Variants in CP observed in about 807,000 individuals in gnomAD.
CP encodes the protein caeruloplasmin.
A neutral mutation model predicts 122.4 loss-of-function variants in CP; 64 were observed. That is an observed-to-expected ratio of 0.52 (90% CI 0.43 to 0.64). The LOEUF is 0.64. Among genes scored for constraint, CP ranks in the 30% least tolerant of loss-of-function variants. The pLI, the probability that CP is intolerant of heterozygous loss-of-function variation, is 0.00. For synonymous variants in CP, 440 were observed against 436.4 expected (o/e 1.01, Z -0.10); for missense variants, 1,167 against 1,284.4 (o/e 0.91, Z 1.40).
intron 7 of CP, 43 bp downstream of exon 7, chr3:149,202,059 A>T (rs1344855656): frequency 6.2e-7 from 1 of 1,613,494 alleles, no homozygotes; most frequent in South Asian, 1.1e-5. Context: ...GATGTAGCCC[A>T]TGGGAAGAGT....
intron 6 of CP, among the ~76,000 whole-genome samples, chr3:149,205,736 A>G (rs1432285122): frequency 6.6e-6 from 1 of 152,130 alleles, no homozygotes; most frequent in African/African-American, 2.4e-5. Flanking sequence ...CAGGGGGTGG[A>G]GAAAGAGTGG....
intron 14 of CP, among the ~76,000 whole-genome samples, chr3:149,180,375 T>TA (rs1725699238): frequency 6.6e-6 from 1 of 152,194 alleles, no homozygotes; most frequent in South Asian, 2.1e-4. Context: ...CCAAGGCTCT[T>TA]ACCCTTTTCC....
intron 13 of CP, among the ~76,000 whole-genome samples, chr3:149,182,658 G>A (rs1386094183): frequency 6.6e-6 from 1 of 152,150 alleles, no homozygotes; most frequent in Non-Finnish European, 1.5e-5. Flanking sequence ...TAGACATTCT[G>A]TCTTAAAGTG....
intron 14 of CP, 31 bp downstream of exon 14, chr3:149,181,974 G>GGGGGGGGGGGGGGGGGGGGC: frequency 8.1e-6 from 11 of 1,356,686 alleles, no homozygotes; most frequent in East Asian, 2.4e-5. Context: ...CTGTTAAAAT[G>GGGGGGGGGGGGGGGGGGGGC]CACCACCCCC....
At position 149,182,069 on chromosome 3, in the gene CP, C is replaced by T. The variant is rs768462317; in HGVS notation, c.2490G>A (p.Arg830=). The change falls in exon 14 of 19, where the codon AGG becomes AGA. Residue 830 remains arginine (R), a synonymous_variant. Coordinates refer to ENST00000264613, the MANE Select transcript of CP (RefSeq NM_000096.4). ...VKIIFKNMAT[R]PYSIHAHGVQ... is the part of the protein sequence containing the mutation. ...CCCCATGGGCATGTATTGAGTAGGG[C>T]CTTGTGGCCATGTTTTTAAAGATAA... 1.3e-6 allele frequency: 2 copies of T among 1,592,394 alleles called. No homozygotes were observed. The highest frequency in any genetic ancestry group is 1.7e-6 in the Non-Finnish European group (2 of 1,170,378).
chr3:149,171,698 CTT>C (rs1170000443), downstream of CP, among the ~76,000 whole-genome samples: 29 of 118,224 alleles, frequency 2.5e-4, no homozygotes, highest in South Asian at 1.7e-3. Flanking sequence ...GAACTGGCTT[CTT>C]TTTTTTTTTT....
chr3:149,172,291 AAGT>A, downstream of CP: 1 of 1,260,446 alleles, frequency 7.9e-7, no homozygotes, highest in Non-Finnish European at 1.1e-6. Flanking sequence ...GCCAAAGTAC[AAGT>A]AGAGGAGTTT....
chr3:149,213,631 G>GGTGT lies in CP; in HGVS notation c.147-937_147-934dup, dbSNP rs71135672. Among the ~76,000 whole-genome samples the GGTGT allele has an allele frequency of 9.8e-4, 141 of 143,848 alleles. 1 individual carries two copies. Among genetic ancestry groups the GGTGT allele is most frequent in the African/African-American group, 2.8e-3 (109 of 38,518 alleles). The allele number at this position is 143,848 out of a possible 152,430, so 94.4% of individuals were successfully genotyped here. A position where few individuals can be genotyped will look rare whatever the true frequency, so the allele number is the denominator to read the frequency against. The stretch of plus-strand genomic sequence containing the variant: ...TGAATAAAAACTGCTCATCATCATG[G>GGTGT]GTGTGTGTGTGTGTGTGTGTGTGTG... On this transcript the variant is annotated intron_variant, in intron 1 of 18. Coordinates refer to ENST00000264613, the MANE Select transcript of CP (RefSeq NM_000096.4).
intron 5 of CP, 43 bp from the exon 6 acceptor site, chr3:149,206,382 T>C: frequency 6.2e-7 from 1 of 1,609,742 alleles, no homozygotes; most frequent in Non-Finnish European, 8.5e-7. Context: ...GAAGACAATG[T>C]TTCTCTCTCC....
chr3:149,218,005 G>T (rs1419560885), intron 1 of CP: 2 of 259,974 alleles, frequency 7.7e-6, no homozygotes, highest in East Asian at 3.0e-4. Context: ...TGAAAAACCC[G>T]GTAATAATGT....
At chr3:149,194,812 G>C (rs1455459664) in intron 9 of CP, among the ~76,000 whole-genome samples, 1 of 152,060 alleles carries the variant, frequency 6.6e-6, no homozygotes, top group Non-Finnish European at 1.5e-5. Flanking sequence ...TCTGGATCTA[G>C]ATAAGTTTTT....
exon 6 of CP, chr3:149,162,570 A>G: frequency 8.6e-7 from 1 of 1,159,162 alleles, no homozygotes; most frequent in Non-Finnish European, 1.3e-6. Context: ...CCATGGCGCT[A>G]ATGCTAATGG....
chr3:149,217,034 G>A lies in CP; in HGVS notation c.147-4336C>T, dbSNP rs185945641. Among the ~76,000 whole-genome samples the A allele has an allele frequency of 1.1e-3, 162 of 151,824 alleles. 1 individual carries two copies. The highest frequency in any genetic ancestry group is 3.7e-3 in the African/African-American group (155 of 41,398). On this transcript the variant is annotated intron_variant, in intron 1 of 18. Coordinates refer to ENST00000264613, the MANE Select transcript of CP (RefSeq NM_000096.4). ...TCCTGCCTTGGCCTCCTGAGTAGCT[G>A]GGACTACAGGCGCACGCCACCACAC... is the stretch of plus-strand genomic sequence containing the variant.
intron 18 of CP, among the ~76,000 whole-genome samples, chr3:149,175,261 T>C (rs1210278633): frequency 1.3e-5 from 2 of 152,176 alleles, no homozygotes; most frequent in Non-Finnish European, 2.9e-5. Context: ...TTATTGGCGT[T>C]AAATTTAGTG....
intron 14 of CP, 109 bp downstream of exon 14, chr3:149,181,896 A>C (rs1725804347): frequency 1.7e-3 from 1,609 of 953,518 alleles, no homozygotes; most frequent in Non-Finnish European, 2.4e-3. Flanking sequence ...CTTCACAACT[A>C]CCTCCCTTTT....
At chr3:149,192,807 T>A (rs1053861503) in intron 9 of CP, among the ~76,000 whole-genome samples, 1 of 152,056 alleles carries the variant, frequency 6.6e-6, no homozygotes, top group African/African-American at 2.4e-5. Context: ...TTAATTAAAC[T>A]ATAAATTTAA....
intron 6 of CP, 110 bp from the exon 7 acceptor site, chr3:149,202,351 A>C: frequency 4.4e-6 from 6 of 1,358,266 alleles, no homozygotes; most frequent in Non-Finnish European, 6.3e-6. Context: ...TTAGAGATGA[A>C]TATTATCCAT....
chr3:149,219,320 C>G (rs1728661246), intron 1 of CP, among the ~76,000 whole-genome samples: 1 of 152,124 alleles, frequency 6.6e-6, no homozygotes, highest in Non-Finnish European at 1.5e-5. Context: ...ATTAAGTATA[C>G]TTTTTAAGTA....
chr3:149,179,872 AT>A (rs1204263437), intron 14 of CP: 1 of 535,414 alleles, frequency 1.9e-6, no homozygotes. Context: ...AAATTTTGTC[AT>A]TTTTTGGGTT....
Sources: allele counts gnomAD v4.1 joint callset (sites outside exome capture counted in the v4.1 genomes callset), GRCh38; gene constraint gnomAD v4.1.1; transcripts MANE v1.5; gene names NCBI Gene and HGNC (gene_info 2026-07-23, HGNC 2026-07-21).